Variants in DZANK1 observed in about 807,000 individuals in gnomAD.
DZANK1 encodes the protein double zinc ribbon and ankyrin repeat domains 1.
Under a neutral mutation model 94.5 loss-of-function variants are expected in DZANK1, and 91 were observed. That is an observed-to-expected ratio of 0.96 (90% CI 0.81 to 1.15). The LOEUF (loss-of-function observed/expected upper bound fraction) is 1.15, where lower values mean the gene tolerates loss of function less well. Among genes scored for constraint, DZANK1 ranks in the 50% most tolerant of loss-of-function variants. The pLI, the probability that DZANK1 is intolerant of heterozygous loss-of-function variation, is 0.00. For missense variants in DZANK1, 903 were observed against 916.4 expected, an observed-to-expected ratio of 0.99 and a Z score of 0.19; for synonymous variants, 312 against 325.3, an observed-to-expected ratio of 0.96 and a Z score of 0.44.
intron 19 of DZANK1, among the ~76,000 whole-genome samples, chr20:18,387,842 G>C (rs766250784): frequency 6.6e-6 from 1 of 152,178 alleles, no homozygotes; most frequent in Non-Finnish European, 1.5e-5. Context: ...GACCACCTAG[G>C]CTCCACTAGC....
chr20:18,396,695 A>T, intron 14 of DZANK1, 149 bp from the exon 15 acceptor site: 1 of 563,010 alleles, frequency 1.8e-6, no homozygotes, highest in Non-Finnish European at 3.1e-6. Context: ...AAAACAGAGC[A>T]ACAAAAACTA....
At chr20:18,453,565 G>C (rs571997820) in intron 5 of DZANK1, among the ~76,000 whole-genome samples, 166 bp downstream of exon 5, 1 of 152,252 alleles carries the variant, frequency 6.6e-6, no homozygotes, top group Non-Finnish European at 1.5e-5. Flanking sequence ...ATGATCTTAA[G>C]CTGTAAGCAA....
chr20:18,456,412 T>A (rs1207721697), intron 3 of DZANK1, among the ~76,000 whole-genome samples: 4 of 152,252 alleles, frequency 2.6e-5, no homozygotes, highest in Non-Finnish European at 5.9e-5. Context: ...TTAACAGCTT[T>A]ATTGAGGTAT....
intron 8 of DZANK1, among the ~76,000 whole-genome samples, chr20:18,434,370 C>A (rs1454926414): frequency 6.6e-6 from 1 of 151,644 alleles, no homozygotes; most frequent in Non-Finnish European, 1.5e-5. Context: ...CATAGTGAAA[C>A]CCCAGCTCTA....
At chr20:18,405,627 G>A (rs2056922880) in intron 13 of DZANK1, among the ~76,000 whole-genome samples, 1 of 152,172 alleles carries the variant, frequency 6.6e-6, no homozygotes, top group Non-Finnish European at 1.5e-5. Flanking sequence ...GCTGGAGGTG[G>A]AGCAAGATGG....
intron 8 of DZANK1, among the ~76,000 whole-genome samples, chr20:18,439,060 T>G (rs1056861973): frequency 1.3e-5 from 2 of 152,164 alleles, no homozygotes; most frequent in African/African-American, 4.8e-5. Context: ...AAGCAAAAAC[T>G]ACAAGTCAGA....
At chr20:18,461,600 C>CTT (rs71194239) in intron 2 of DZANK1, among the ~76,000 whole-genome samples, 2 of 138,382 alleles carry the variant, frequency 1.4e-5, no homozygotes, top group Non-Finnish European at 1.6e-5. Context: ...CATTTGTAAT[C>CTT]TTTTTTTTTT....
intron 8 of DZANK1, among the ~76,000 whole-genome samples, chr20:18,437,777 T>A (rs2058577962): frequency 1.3e-5 from 2 of 152,052 alleles, no homozygotes; most frequent in Admixed American, 6.5e-5. Context: ...CAACTATGTA[T>A]CCACAAAAAT....
rs557908801 is a variant in DZANK1, at chr20:18,451,235, C to T, written c.543+1380G>A. Among the ~76,000 whole-genome samples the T allele has an allele frequency of 1.1e-4, 17 of 152,292 alleles. No homozygotes were observed. In the South Asian group the frequency reaches 1.9e-3, roughly 17 times the overall value. ...TTGGGATTACAGGCGTGAGCCACCA[C>T]GCCCAGCCAATATGCCTTTTATTAA... On this transcript the variant is annotated intron_variant, in intron 6 of 20. Transcript: ENST00000262547.
chr20:18,405,109 T>C (rs1454128266), intron 13 of DZANK1, among the ~76,000 whole-genome samples: 1 of 149,206 alleles, frequency 6.7e-6, no homozygotes, highest in Non-Finnish European at 1.5e-5. Context: ...GGCAGGAGCA[T>C]TGCTCAAGCC....
At chr20:18,452,679 C>T (rs896888096) in exon 6 of DZANK1, 49 of 1,607,852 alleles carry the variant, frequency 3.0e-5, no homozygotes, top group Non-Finnish European at 3.8e-5. Context: ...TTCCAATGGA[C>T]TCTCTGAAAA....
chr20:18,427,034 TA>T (rs1206474755), intron 10 of DZANK1, 32 bp downstream of exon 10: 1 of 1,496,878 alleles, frequency 6.7e-7, no homozygotes, highest in African/African-American at 1.4e-5. Context: ...TAGTAGCCAC[TA>T]AATATAGGAT....
At chr20:18,459,219 A>T (rs567776564) in intron 3 of DZANK1, among the ~76,000 whole-genome samples, 137 of 152,354 alleles carry the variant, frequency 9.0e-4, no homozygotes, top group Middle Eastern at 6.8e-3. Flanking sequence ...GGCAAGTGTG[A>T]CAACATTTTA....
chr20:18,450,048 A>C (rs1304492521), intron 6 of DZANK1, among the ~76,000 whole-genome samples: 1 of 152,054 alleles, frequency 6.6e-6, no homozygotes, highest in Non-Finnish European at 1.5e-5. Flanking sequence ...ACTGCACTCC[A>C]GCCTGGGCAA....
rs2055844505 is a variant in DZANK1, at chr20:18,389,683, T to C, written c.2018+18A>G. 9.3e-6 allele frequency: 15 copies of C among 1,613,346 alleles called. No homozygotes were observed. The highest frequency in any genetic ancestry group is 1.3e-5 in the Non-Finnish European group (15 of 1,179,554). ...GCCTGCTGCTACCTTAGCTCTCCTT[T>C]CAATGTGTTTCACTTACGGCCCCCA... On this transcript the variant is annotated intron_variant, in intron 19 of 20. Transcript: ENST00000262547.
chr20:18,405,262 T>C (rs1022185576), intron 13 of DZANK1, among the ~76,000 whole-genome samples: 2 of 151,474 alleles, frequency 1.3e-5, no homozygotes, highest in African/African-American at 4.9e-5. Flanking sequence ...AATAAACACA[T>C]GAAAGGAAAA....
At chr20:18,396,578 C>G in intron 14 of DZANK1, 32 bp from the exon 15 acceptor site, 1 of 1,563,572 alleles carries the variant, frequency 6.4e-7, no homozygotes, top group Non-Finnish European at 8.8e-7. Flanking sequence ...GAATTCATAA[C>G]TGTGGGTGTG....
chr20:18,403,262 T>C (rs947904872), intron 13 of DZANK1, among the ~76,000 whole-genome samples: 2 of 152,202 alleles, frequency 1.3e-5, no homozygotes, highest in Admixed American at 6.5e-5. Flanking sequence ...CACCTATTCC[T>C]GGATCATTCA....
chr20:18,433,793 T>C (rs766872788), intron 8 of DZANK1, 28 bp from the exon 9 acceptor site: 1 of 1,597,958 alleles, frequency 6.3e-7, no homozygotes, highest in Admixed American at 1.7e-5. Flanking sequence ...CTGGTTTATC[T>C]TGCACATAAA....
Sources: gnomAD v4.1 joint callset for allele counts (sites outside exome capture counted in the v4.1 genomes callset) on GRCh38, gnomAD v4.1.1 for gene constraint, MANE v1.5 for transcripts, NCBI Gene and HGNC (gene_info 2026-07-23, HGNC 2026-07-21) for gene names.